SYN3: variants seen among roughly 807,000 people sequenced by gnomAD.
SYN3 encodes the protein synapsin III, also known as synapsin-3.
Under a neutral mutation model 65.8 loss-of-function variants are expected in SYN3, and 35 were observed. That is an observed-to-expected ratio of 0.53 (90% confidence interval 0.41 to 0.70). The LOEUF is 0.70. Ranked by LOEUF, SYN3 falls within the 30% of genes least tolerant of loss-of-function variation. The probability of loss-of-function intolerance (pLI) is 0.00; values close to 1 mark genes in which losing one functional copy is unlikely to be tolerated. For synonymous variants in SYN3, 270 were observed against 292.9 expected, an observed-to-expected ratio of 0.92 and a Z score of 0.80; for missense variants, 680 against 749.0, an observed-to-expected ratio of 0.91 and a Z score of 1.08.
intron 1 of SYN3, among the ~76,000 whole-genome samples, chr22:33,013,314 T>C (rs2053395099): frequency 6.6e-6 from 1 of 152,074 alleles, no homozygotes; most frequent in South Asian, 2.1e-4. Flanking sequence ...ACATTTATGG[T>C]TTAGGGTAAG....
chr22:32,863,982 G>A (rs893807021), intron 6 of SYN3, among the ~76,000 whole-genome samples: 5 of 152,102 alleles, frequency 3.3e-5, no homozygotes, highest in Admixed American at 6.6e-5. Context: ...ACTCTTGCCC[G>A]ATCAGATACA....
intron 6 of SYN3, among the ~76,000 whole-genome samples, chr22:32,730,061 C>G (rs2061249517): frequency 6.6e-6 from 1 of 152,152 alleles, no homozygotes; most frequent in East Asian, 1.9e-4. Flanking sequence ...TGTGCAGACT[C>G]TAGACTATTT....
chr22:32,576,225 G>A (rs1048336940), intron 7 of SYN3, among the ~76,000 whole-genome samples: 2 of 152,162 alleles, frequency 1.3e-5, no homozygotes, highest in Non-Finnish European at 2.9e-5. Flanking sequence ...CCACAGTGGG[G>A]AAGAGATAAT....
intron 6 of SYN3, among the ~76,000 whole-genome samples, chr22:32,650,972 C>T (rs145388958): frequency 1.0e-3 from 152 of 152,250 alleles, no homozygotes; most frequent in African/African-American, 3.6e-3. Flanking sequence ...ACATACTTAG[C>T]GACTGGAATA....
chr22:32,756,769 C>A (rs202023954), intron 6 of SYN3, among the ~76,000 whole-genome samples: 1 of 152,220 alleles, frequency 6.6e-6, no homozygotes, highest in Non-Finnish European at 1.5e-5. Context: ...GAAGCCCTCA[C>A]CAGAAACTGA....
chr22:32,522,846 T>C (rs149790755), intron 12 of SYN3, among the ~76,000 whole-genome samples: 67 of 152,248 alleles, frequency 4.4e-4, no homozygotes, highest in Non-Finnish European at 7.8e-4. Flanking sequence ...GTAATATGAC[T>C]TGCCTAACAC....
At chr22:32,975,888 T>C (rs1458696729) in intron 3 of SYN3, among the ~76,000 whole-genome samples, 1 of 152,208 alleles carries the variant, frequency 6.6e-6, no homozygotes, top group Admixed American at 6.5e-5. Flanking sequence ...CCAAACTGAA[T>C]TAACATCCAA....
intron 4 of SYN3, among the ~76,000 whole-genome samples, chr22:32,869,330 T>TTCTCTCTCTCTCTCTCTCTCTCTCTC (rs59752570): frequency 4.7e-4 from 57 of 121,028 alleles, no homozygotes; most frequent in Middle Eastern, 4.5e-3. Context: ...ACTATATATA[T>TTCTCTCTCTCTCTCTCTCTCTCTCTC]TCTCTCTCTC....
intron 6 of SYN3, among the ~76,000 whole-genome samples, chr22:32,810,642 C>T (rs1319306329): frequency 6.6e-6 from 1 of 152,174 alleles, no homozygotes; most frequent in Non-Finnish European, 1.5e-5. Flanking sequence ...TGCCTCTGCC[C>T]ATGAGGGTGT....
chr22:32,872,014 G>A (rs901320596), intron 4 of SYN3, among the ~76,000 whole-genome samples: 1 of 151,998 alleles, frequency 6.6e-6, no homozygotes, highest in Non-Finnish European at 1.5e-5. Flanking sequence ...TTCCCTAGAT[G>A]CTCTTCTCCC....
At chr22:32,909,344 G>A (rs1373701474) in intron 4 of SYN3, among the ~76,000 whole-genome samples, 1 of 152,172 alleles carries the variant, frequency 6.6e-6, no homozygotes, top group Non-Finnish European at 1.5e-5. Context: ...CTGAGCAAGT[G>A]ACTTTGCCTC....
At chr22:32,963,992 G>T (rs968472982) in intron 3 of SYN3, among the ~76,000 whole-genome samples, 4 of 152,060 alleles carry the variant, frequency 2.6e-5, no homozygotes, top group Non-Finnish European at 5.9e-5. Flanking sequence ...GAGGGGGTGA[G>T]CCTTCCCGTC....
chr22:32,710,645 A>AAAAAAAAAAAAAAAAAAAAAAAAG lies in SYN3; in HGVS notation c.712-113910_712-113909insCTTTTTTTTTTTTTTTTTTTTTTT, dbSNP rs1555931894. ...GAGACTCTGTCTCAAAAAAAAAAAA[A>AAAAAAAAAAAAAAAAAAAAAAAAG]AAAGAAAGAAAGAAAAAGAAAGAAA... On this transcript the variant is annotated intron_variant, in intron 6 of 13. Transcript: ENST00000358763. 9.6e-4 allele frequency among the ~76,000 whole-genome samples: 122 copies of AAAAAAAAAAAAAAAAAAAAAAAAG among 126,906 alleles called. 2 individuals are homozygous for AAAAAAAAAAAAAAAAAAAAAAAAG. Among genetic ancestry groups the AAAAAAAAAAAAAAAAAAAAAAAAG allele is most frequent in the East Asian group, 4.2e-3 (11 of 2,614 alleles). The allele number at this position is 126,906 out of a possible 152,430, so 83.3% of individuals were successfully genotyped here.
intron 7 of SYN3, among the ~76,000 whole-genome samples, chr22:32,592,259 C>T (rs1340196246): frequency 6.6e-6 from 1 of 152,172 alleles, no homozygotes; most frequent in Non-Finnish European, 1.5e-5. Flanking sequence ...ATCAGTACTA[C>T]CCCCTCACTG....
At chr22:32,776,095 C>A (rs1028224225) in intron 6 of SYN3, among the ~76,000 whole-genome samples, 1 of 152,060 alleles carries the variant, frequency 6.6e-6, no homozygotes, top group South Asian at 2.1e-4. Flanking sequence ...TCACAGAGGA[C>A]GAGGCCAGGC....
intron 6 of SYN3, among the ~76,000 whole-genome samples, chr22:32,617,807 G>C (rs1177790262): frequency 6.6e-6 from 1 of 151,818 alleles, no homozygotes; most frequent in East Asian, 1.9e-4. Context: ...GAGAGGAGGG[G>C]TTGGGGTCAG....
At chr22:33,020,629 C>G (rs2053544293) in intron 1 of SYN3, among the ~76,000 whole-genome samples, 1 of 152,152 alleles carries the variant, frequency 6.6e-6, no homozygotes, top group African/African-American at 2.4e-5. Flanking sequence ...GGAGAAATTT[C>G]TTTTGCAAGA....
intron 7 of SYN3, among the ~76,000 whole-genome samples, chr22:32,565,906 G>A (rs534566289): frequency 1.6e-4 from 25 of 152,036 alleles, no homozygotes; most frequent in African/African-American, 4.1e-4. Flanking sequence ...TGGAGATAGC[G>A]TTTCATCATG....
chr22:33,011,896 C>T (rs2053360085), intron 1 of SYN3, among the ~76,000 whole-genome samples: 1 of 152,120 alleles, frequency 6.6e-6, no homozygotes, highest in Non-Finnish European at 1.5e-5. Context: ...TATGATTCCT[C>T]CTGATATTCC....
Sources: allele counts gnomAD v4.1 joint callset (sites outside exome capture counted in the v4.1 genomes callset), GRCh38; gene constraint gnomAD v4.1.1; transcripts MANE v1.5; gene names NCBI Gene and HGNC (gene_info 2026-07-23, HGNC 2026-07-21).